Variants in OR2H2 observed in about 807,000 individuals in gnomAD.
OR2H2 encodes olfactory receptor family 2 subfamily H member 2, also known as olfactory receptor 2H2.
For missense variants in OR2H2, 295 were observed against 313.7 expected, an observed-to-expected ratio of 0.94 and a Z score of 0.45; for synonymous variants, 146 against 132.4, an observed-to-expected ratio of 1.10 and a Z score of -0.71.
chr6:29,588,216 G>T lies in OR2H2; in HGVS notation c.272G>T (p.Ser91Ile), dbSNP rs1760416400. Residue 91 changes from serine (S) to isoleucine (I), a missense_variant, in exon 2 of 2, where the codon AGC (serine) becomes ATC (isoleucine). Ser to Ile is a moderately radical substitution (Grantham distance 142). Coordinates refer to ENST00000641840, the MANE Select transcript of OR2H2 (RefSeq NM_007160.4). ...VNLWGPKKTISFLDCSVQIFI... is the reference protein window; with the variant it reads ...VNLWGPKKTIIFLDCSVQIFI... ...CTCTGGGGCCCAAAGAAGACCATCA[G>T]CTTCCTGGACTGCTCTGTCCAGATC... The T allele has an allele frequency of 6.5e-7, 1 of 1,529,550 alleles. No homozygotes were observed. 94.7% of individuals were successfully genotyped at this position (1,529,550 alleles called of 1,614,324 possible). A position where few individuals can be genotyped will look rare whatever the true frequency, so the allele number is the denominator to read the frequency against.
Position 29,588,695 on chromosome 6 carries a change from A to C in OR2H2, c.751A>C (p.Ser251Arg). The C allele has an allele frequency of 2.7e-6, 4 of 1,504,970 alleles. No individual in the cohort carries two copies. Among genetic ancestry groups the C allele is most frequent in the Non-Finnish European group, 3.7e-6 (4 of 1,082,608 alleles). 93.2% of individuals were successfully genotyped at this position (1,504,970 alleles called of 1,614,324 possible). A position where few individuals can be genotyped will look rare whatever the true frequency, so the allele number is the denominator to read the frequency against. ...SHLTVVTLFY[S>R]SVIAVYLQPK... is the part of the protein sequence containing the mutation. Reference sequence around the variant, plus strand: ...TCTCACTGTGGTCACCCTCTTCTACAGCTCAGTCATTGCTGTCTACCTCCA... The same window carrying C: ...TCTCACTGTGGTCACCCTCTTCTACCGCTCAGTCATTGCTGTCTACCTCCA... The change falls in exon 2 of 2, where the codon AGC becomes CGC. Residue 251 changes from serine to arginine, a missense_variant. Physicochemically the swap from Ser to Arg is moderately radical, Grantham distance 110. Transcript: ENST00000641840.
rs749678413 is a variant in OR2H2 at position 29,588,022 on chromosome 6, C to A, written c.78C>A (p.Phe26Leu). ...SEHPGLERTL[F>L]VVVLTSYLLT... The stretch of plus-strand genomic sequence containing the variant: ...ACCCAGGGCTGGAAAGGACTCTCTT[C>A]GTGGTTGTCCTCACTTCCTACCTCC... The change falls in exon 2 of 2, where the codon TTC becomes TTA. Residue 26 changes from phenylalanine (F) to leucine (L), a missense_variant. Phe to Leu is a conservative substitution (Grantham distance 22). Transcript: ENST00000641840. 1 of 1,001,706 alleles carries A rather than the reference C, an allele frequency of 1.0e-6. No homozygotes were observed. The highest frequency in any genetic ancestry group is 1.3e-5 in the South Asian group (1 of 79,324). The allele number at this position is 1,001,706 out of a possible 1,614,324, so 62.1% of individuals were successfully genotyped here.
Position 29,589,032 on chromosome 6 carries a change from T to A in OR2H2, c.*149T>A. 3 of 605,426 alleles carry A rather than the reference T, an allele frequency of 5.0e-6. No individual in the cohort carries two copies. Among genetic ancestry groups the A allele is most frequent in the Non-Finnish European group, 9.0e-6 (3 of 331,524 alleles). 37.5% of individuals were successfully genotyped at this position (605,426 alleles called of 1,614,324 possible). ...ATGTCTGTGTGTGTGCATGTATGTG[T>A]GCAAGAGACAGCGACTGAAATGTAG... On this transcript the variant is annotated 3_prime_UTR_variant, in exon 2 of 2. Coordinates refer to ENST00000641840, the MANE Select transcript of OR2H2 (RefSeq NM_007160.4).
chr6:29,586,159 G>T (rs188789322), intron 1 of OR2H2, among the ~76,000 whole-genome samples: 1 of 152,266 alleles, frequency 6.6e-6, no homozygotes, highest in South Asian at 2.1e-4. Flanking sequence ...TTTATGGTAC[G>T]TTAAATACAT....
chr6:29,586,576 C>G (rs1562044306), intron 1 of OR2H2, among the ~76,000 whole-genome samples: 2 of 151,506 alleles, frequency 1.3e-5, no homozygotes, highest in Non-Finnish European at 2.9e-5. Context: ...GAGGGGCACA[C>G]AGAAGCTTCT....
rs377286702 is a variant in OR2H2, at chr6:29,587,666, C to T, written c.-275-4C>T. ...TTTAATCAGCCTCCTTTGCCCTCAC[C>T]CAGGAAGTCAGAGGCACCAGTGTGA... On this transcript the variant is annotated splice_polypyrimidine_tract_variant and splice_region_variant and intron_variant, in intron 1 of 1. Coordinates refer to ENST00000641840, the MANE Select transcript of OR2H2 (RefSeq NM_007160.4). 35 of 418,430 alleles carry T rather than the reference C, an allele frequency of 8.4e-5. No homozygotes were observed. The highest frequency in any genetic ancestry group is 1.1e-4 in the East Asian group (3 of 26,966). 25.9% of individuals were successfully genotyped at this position (418,430 alleles called of 1,614,324 possible).
chr6:29,588,010 A>G lies in OR2H2; in HGVS notation c.66A>G (p.Glu22=). The change falls in exon 2 of 2, where the codon GAA becomes GAG. Residue 22 remains glutamate, a synonymous_variant. Transcript: ENST00000641840. ...GCTTCTCTGAACACCCAGGGCTGGA[A>G]AGGACTCTCTTCGTGGTTGTCCTCA... ...LLGFSEHPGL[E]RTLFVVVLTS... 1.0e-6 allele frequency: 1 copy of G among 996,302 alleles called. No individual in the cohort carries two copies. 61.7% of individuals were successfully genotyped at this position (996,302 alleles called of 1,614,324 possible). A position where few individuals can be genotyped will look rare whatever the true frequency, so the allele number is the denominator to read the frequency against.
At chr6:29,586,891 T>C (rs1760298599) in intron 1 of OR2H2, among the ~76,000 whole-genome samples, 1 of 152,108 alleles carries the variant, frequency 6.6e-6, no homozygotes, top group Admixed American at 6.5e-5. Context: ...CCTGAGTCCT[T>C]GTCTCTGACC....
At position 29,587,939 on chromosome 6, in the gene OR2H2, C is replaced by A; in HGVS notation, c.-6C>A. On this transcript the variant is annotated 5_prime_UTR_variant, in exon 2 of 2. Coordinates refer to ENST00000641840, the MANE Select transcript of OR2H2 (RefSeq NM_007160.4). ...TCATCCCTCCAGGTACAAACAAGAA[C>A]AGGCCATGGTTAACCAAAGCTCCAC... 1.2e-6 allele frequency: 1 copy of A among 847,588 alleles called. No homozygotes were observed. Among genetic ancestry groups the A allele is most frequent in the Non-Finnish European group, 2.1e-6 (1 of 485,624 alleles). The allele number at this position is 847,588 out of a possible 1,614,324, so 52.5% of individuals were successfully genotyped here.
At position 29,589,020 on chromosome 6, in the gene OR2H2, T is replaced by G. The variant is rs530760862; in HGVS notation, c.*137T>G. The G allele has an allele frequency of 4.8e-6, 3 of 622,124 alleles. No homozygotes were observed. The East Asian group carries it at 8.2e-5, about 17-fold the overall frequency. The allele number at this position is 622,124 out of a possible 1,614,324, so 38.5% of individuals were successfully genotyped here. On this transcript the variant is annotated 3_prime_UTR_variant, in exon 2 of 2. Transcript: ENST00000641840. ...GATGAAAGCCACATGTCTGTGTGTG[T>G]GCATGTATGTGTGCAAGAGACAGCG... is the stretch of plus-strand genomic sequence containing the variant.
chr6:29,585,965 G>A (rs1760226552), intron 1 of OR2H2, among the ~76,000 whole-genome samples: 1 of 152,122 alleles, frequency 6.6e-6, no homozygotes, highest in Non-Finnish European at 1.5e-5. Flanking sequence ...AGAAACAATT[G>A]GCTATTGTTT....
chr6:29,585,711 G>A (rs1376130187), intron 1 of OR2H2, among the ~76,000 whole-genome samples: 1 of 152,086 alleles, frequency 6.6e-6, no homozygotes, highest in Non-Finnish European at 1.5e-5. Flanking sequence ...GGCACTTTGG[G>A]GCTCAAGAAA....
At position 29,587,925 on chromosome 6, in the gene OR2H2, G is replaced by A; in HGVS notation, c.-20G>A. ...CTGGAGTGACAGCCTCATCCCTCCAGGTACAAACAAGAACAGGCCATGGTT... is the reference window on the plus strand; with the variant it reads ...CTGGAGTGACAGCCTCATCCCTCCAAGTACAAACAAGAACAGGCCATGGTT... On this transcript the variant is annotated 5_prime_UTR_variant, in exon 2 of 2. Coordinates refer to ENST00000641840, the MANE Select transcript of OR2H2 (RefSeq NM_007160.4). 1.3e-6 allele frequency: 1 copy of A among 796,466 alleles called. No homozygotes were observed. Among genetic ancestry groups the A allele is most frequent in the Non-Finnish European group, 2.3e-6 (1 of 444,442 alleles). The allele number at this position is 796,466 out of a possible 1,614,324, so 49.3% of individuals were successfully genotyped here.
rs183778790 is a variant in OR2H2 at position 29,585,861 on chromosome 6, G to A, written c.-276+511G>A. ...AAGGTGTAATCTAAAGAGATTCAGC[G>A]ATATAGCAGAGAAAGGAAAGGAATG... On this transcript the variant is annotated intron_variant, in intron 1 of 1. Coordinates refer to ENST00000641840, the MANE Select transcript of OR2H2 (RefSeq NM_007160.4). 1.3e-3 allele frequency among the ~76,000 whole-genome samples: 192 copies of A among 152,282 alleles called. 1 individual carries two copies. Among genetic ancestry groups the A allele is most frequent in the African/African-American group, 3.6e-3 (151 of 41,556 alleles).
chr6:29,585,816 A>G (rs1393927520), intron 1 of OR2H2, among the ~76,000 whole-genome samples: 1 of 152,226 alleles, frequency 6.6e-6, no homozygotes, highest in Non-Finnish European at 1.5e-5. Flanking sequence ...CAAAGAGGGA[A>G]AGGGAAACAG....
In OR2H2 at chr6:29,588,312, C is replaced by T; in HGVS notation, c.368C>T (p.Ala123Val). The change falls in exon 2 of 2, where the codon GCT (alanine) becomes GTT (valine). Residue 123 changes from alanine (A) to valine (V), a missense_variant. Ala to Val is a moderately conservative substitution (Grantham distance 64). Coordinates refer to ENST00000641840, the MANE Select transcript of OR2H2 (RefSeq NM_007160.4). ...LTVMAFDRYV[A>V]VCQPLHYATI... is the part of the protein sequence containing the mutation. ...GTGATGGCTTTTGATCGCTACGTGG[C>T]TGTCTGCCAGCCCCTCCACTATGCC... The T allele has an allele frequency of 6.2e-7, 1 of 1,612,910 alleles. No individual in the cohort carries two copies. The highest frequency in any genetic ancestry group is 8.5e-7 in the Non-Finnish European group (1 of 1,179,868).
rs928824774 is a variant in OR2H2 at position 29,589,279 on chromosome 6, T to C, written c.*396T>C. 1.6e-5 allele frequency: 3 copies of C among 192,748 alleles called. No individual in the cohort carries two copies. The highest frequency in any genetic ancestry group is 7.0e-5 in the African/African-American group (3 of 42,670). The allele number at this position is 192,748 out of a possible 1,614,324, so 11.9% of individuals were successfully genotyped here. On this transcript the variant is annotated 3_prime_UTR_variant, in exon 2 of 2. Transcript: ENST00000641840. ...TGTTTTTCCCACTTCACTATATGTC[T>C]GTTTTGTATTCTCATTCTATTTTAT...
chr6:29,587,767 A>C lies in OR2H2; in HGVS notation c.-178A>C. The C allele has an allele frequency of 3.5e-6, 2 of 570,974 alleles. No individual in the cohort carries two copies. Among genetic ancestry groups the C allele is most frequent in the Non-Finnish European group, 6.3e-6 (2 of 317,620 alleles). The allele number at this position is 570,974 out of a possible 1,614,324, so 35.4% of individuals were successfully genotyped here. ...AATGTTTGACCAGGAAGAACAGGGA[A>C]TGAGAAGGAGCTGCTGGATGGTGAT... On this transcript the variant is annotated 5_prime_UTR_variant, in exon 2 of 2. The change abolishes an upstream ATG in the 5' untranslated region. Coordinates refer to ENST00000641840, the MANE Select transcript of OR2H2 (RefSeq NM_007160.4).
At chr6:29,587,340 T>G (rs1204102551) in intron 1 of OR2H2, 1 of 152,222 alleles carries the variant, frequency 6.6e-6, no homozygotes, top group African/African-American at 2.4e-5. Flanking sequence ...CAACCTGATC[T>G]CTCTATAAGT....
Sources: allele counts gnomAD v4.1 joint callset (sites outside exome capture counted in the v4.1 genomes callset), GRCh38; gene constraint gnomAD v4.1.1; transcripts MANE v1.5; gene names NCBI Gene and HGNC (gene_info 2026-07-23, HGNC 2026-07-21).